The following APPBP2 variants were observed in gnomAD, a reference collection of about 807,000 sequenced individuals.
The protein encoded by APPBP2 is amyloid protein-binding protein 2.
A neutral mutation model predicts 76.0 loss-of-function variants in APPBP2; 15 were observed. That is an observed-to-expected ratio of 0.20 (90% confidence interval 0.13 to 0.30). APPBP2 has a LOEUF of 0.30. APPBP2 is among the 10% of genes least tolerant of loss of function. APPBP2 has a pLI of 1.00. For missense variants in APPBP2, 401 were observed against 687.2 expected, an observed-to-expected ratio of 0.58 and a Z score of 4.66; for synonymous variants, 222 against 242.2, an observed-to-expected ratio of 0.92 and a Z score of 0.77.
chr17:60,498,877 A>C (rs1003396359), intron 2 of APPBP2, among the ~76,000 whole-genome samples: 5 of 152,168 alleles, frequency 3.3e-5, no homozygotes, highest in Non-Finnish European at 7.3e-5. Flanking sequence ...TTCTCAATGA[A>C]ACAACTTTAT....
chr17:60,466,534 C>T (rs986723711), intron 4 of APPBP2, 75 bp from the exon 5 acceptor site: 3 of 1,382,040 alleles, frequency 2.2e-6, no homozygotes, highest in Non-Finnish European at 3.0e-6. Context: ...TTACCAATCA[C>T]CTGAATGACT....
chr17:60,460,573 A>T (rs931374545), intron 9 of APPBP2, 90 bp downstream of exon 9: 1 of 1,317,346 alleles, frequency 7.6e-7, no homozygotes, highest in Non-Finnish European at 1.0e-6. Context: ...AAGTACTATT[A>T]TTAATGTAAT....
chr17:60,477,897 T>C (rs771248083), intron 4 of APPBP2, among the ~76,000 whole-genome samples: 2 of 151,906 alleles, frequency 1.3e-5, no homozygotes, highest in Admixed American at 6.6e-5. Context: ...TCCCAGAACT[T>C]TGGGAGGCCC....
intron 6 of APPBP2, 75 bp downstream of exon 6, chr17:60,463,946 T>C (rs1260445535): frequency 9.6e-7 from 1 of 1,045,072 alleles, no homozygotes. Flanking sequence ...AAATGTTAAA[T>C]AACAGGTTAA....
At chr17:60,477,608 G>C (rs1056804379) in intron 4 of APPBP2, 1 of 151,924 alleles carries the variant, frequency 6.6e-6, no homozygotes, top group African/African-American at 2.4e-5. Context: ...TAGAGTTTCT[G>C]CACACAAATA....
In APPBP2 at chr17:60,466,394, T is replaced by C; in HGVS notation, c.569A>G (p.Gln190Arg). ...HLGEETFKLA[Q>R]TYMDKLSKHG... Reference sequence around the variant, plus strand: ...TTTTGATAGTTTATCCATATATGTCTGAGCTAATTTAAATGTTTCTTCACC... The same window carrying C: ...TTTTGATAGTTTATCCATATATGTCCGAGCTAATTTAAATGTTTCTTCACC... Residue 190 changes from glutamine to arginine, a missense_variant, in exon 5 of 13, where the codon CAG becomes CGG. By Grantham distance (43) the Gln-to-Arg change is conservative. Transcript: ENST00000083182. 7 of 1,613,932 alleles carry C rather than the reference T, an allele frequency of 4.3e-6. No individual in the cohort carries two copies. Among genetic ancestry groups the C allele is most frequent in the Non-Finnish European group, 5.9e-6 (7 of 1,179,992 alleles).
intron 12 of APPBP2, 137 bp from the exon 13 acceptor site, chr17:60,447,971 T>C: frequency 1.2e-6 from 1 of 802,918 alleles, no homozygotes; most frequent in Non-Finnish European, 1.9e-6. Context: ...TAGATATAAT[T>C]CTTGTATCAG....
chr17:60,490,873 G>A (rs549358662), intron 3 of APPBP2, among the ~76,000 whole-genome samples: 1 of 152,254 alleles, frequency 6.6e-6, no homozygotes, highest in African/African-American at 2.4e-5. Context: ...ATGATTGTGA[G>A]GCCTCCCCAG....
At chr17:60,496,212 A>G (rs2090774432) in intron 2 of APPBP2, among the ~76,000 whole-genome samples, 1 of 152,230 alleles carries the variant, frequency 6.6e-6, no homozygotes, top group Non-Finnish European at 1.5e-5. Flanking sequence ...CAAATTTTCT[A>G]GAATTAGACA....
intron 1 of APPBP2, among the ~76,000 whole-genome samples, chr17:60,518,401 AAG>A (rs1400001097): frequency 2.4e-5 from 1 of 41,848 alleles, no homozygotes; most frequent in Admixed American, 2.7e-4. Context: ...GTGTGTGTGT[AAG>A]AGAGAGAGAC....
intron 3 of APPBP2, among the ~76,000 whole-genome samples, chr17:60,490,926 A>T (rs1437356247): frequency 1.3e-5 from 2 of 152,112 alleles, no homozygotes; most frequent in Non-Finnish European, 2.9e-5. Context: ...TTTCCTTTAT[A>T]AATTATCCAG....
intron 10 of APPBP2, 73 bp from the exon 11 acceptor site, chr17:60,454,565 CTT>C (rs1000918314): frequency 5.2e-6 from 5 of 957,992 alleles, no homozygotes; most frequent in African/African-American, 5.0e-5. Context: ...CTAATTTAAA[CTT>C]AAATAATATA....
At chr17:60,490,105 A>G (rs2090714758) in intron 3 of APPBP2, among the ~76,000 whole-genome samples, 1 of 152,196 alleles carries the variant, frequency 6.6e-6, no homozygotes, top group Admixed American at 6.5e-5. Context: ...GTGATCAAAT[A>G]GTACTGTATC....
At chr17:60,507,128 C>T (rs1258518252) in intron 1 of APPBP2, among the ~76,000 whole-genome samples, 1 of 152,140 alleles carries the variant, frequency 6.6e-6, no homozygotes, top group East Asian at 1.9e-4. Context: ...TTGCATAATG[C>T]TGGGGTGTGG....
In APPBP2 at chr17:60,525,785, G is replaced by A; in HGVS notation, c.138+9C>T. On this transcript the variant is annotated intron_variant, in intron 1 of 12. Transcript: ENST00000083182. Reference sequence around the variant, plus strand: ...GGAGGAGAGCAGAGAGGAGGCCCACGGCGCATACCTTGTAGTAAACATCAA... The same window carrying A: ...GGAGGAGAGCAGAGAGGAGGCCCACAGCGCATACCTTGTAGTAAACATCAA... The A allele has an allele frequency of 6.2e-7, 1 of 1,613,714 alleles. No homozygotes were observed. Among genetic ancestry groups the A allele is most frequent in the East Asian group, 2.2e-5 (1 of 44,870 alleles).
chr17:60,488,835 A>AT (rs1281316258), intron 3 of APPBP2, among the ~76,000 whole-genome samples: 1 of 152,188 alleles, frequency 6.6e-6, no homozygotes, highest in Non-Finnish European at 1.5e-5. Context: ...AACTAAAGGG[A>AT]TATCATCCTT....
At chr17:60,501,857 G>C (rs1166433881) in intron 1 of APPBP2, among the ~76,000 whole-genome samples, 1 of 152,084 alleles carries the variant, frequency 6.6e-6, no homozygotes, top group African/African-American at 2.4e-5. Flanking sequence ...AGTCACAATG[G>C]AGGTCAGGTC....
At chr17:60,471,954 C>T (rs754766126) in intron 4 of APPBP2, among the ~76,000 whole-genome samples, 5 of 152,040 alleles carry the variant, frequency 3.3e-5, no homozygotes, top group African/African-American at 4.8e-5. Flanking sequence ...GGCAAAACCT[C>T]GTCTCTACTA....
intron 1 of APPBP2, among the ~76,000 whole-genome samples, chr17:60,515,056 G>A (rs1302552944): frequency 2.6e-5 from 4 of 151,640 alleles, no homozygotes; most frequent in East Asian, 1.9e-4. Context: ...CACCCACCTC[G>A]GCCTCCCAAA....
Sources: allele counts gnomAD v4.1 joint callset (sites outside exome capture counted in the v4.1 genomes callset), GRCh38; gene constraint gnomAD v4.1.1; transcripts MANE v1.5; gene names NCBI Gene and HGNC (gene_info 2026-07-23, HGNC 2026-07-21).